The following CGAS variants were observed in gnomAD, a reference collection of about 807,000 sequenced individuals.
The protein encoded by CGAS is 2'3'-cGAMP synthase.
Under a neutral mutation model 34.0 loss-of-function variants are expected in CGAS, and 31 were observed. The ratio of observed to expected loss-of-function variants is 0.91; its 90% CI spans 0.69 to 1.23. The LOEUF (loss-of-function observed/expected upper bound fraction) is 1.23. Among genes scored for constraint, CGAS ranks in the 50% most tolerant of loss-of-function variants. The pLI is 0.00. For missense variants in CGAS, 597 were observed against 657.6 expected, an observed-to-expected ratio of 0.91 and a Z score of 1.01; for synonymous variants, 266 against 260.0, an observed-to-expected ratio of 1.02 and a Z score of -0.22.
intron 3 of CGAS, 65 bp from the exon 4 acceptor site, chr6:73,428,876 A>C: frequency 7.2e-7 from 1 of 1,397,444 alleles, no homozygotes; most frequent in Non-Finnish European, 9.9e-7. Flanking sequence ...AACAATATTC[A>C]AGTGGTTTCC....
At position 73,425,166 on chromosome 6, in the gene CGAS, T is replaced by C. The variant is rs758320756; in HGVS notation, c.*61A>G. 2.4e-4 allele frequency: 310 copies of C among 1,294,896 alleles called. 2 individuals carry two copies. Among genetic ancestry groups the C allele is most frequent in the South Asian group, 1.1e-3 (76 of 71,482 alleles). The allele number at this position is 1,294,896 out of a possible 1,614,324, so 80.2% of individuals were successfully genotyped here. A position where few individuals can be genotyped will look rare whatever the true frequency, so the allele number is the denominator to read the frequency against. ...CAGCGTCTGGCCCCTTTTCAAATTT[T>C]TCTTGTATTCTCCAGGATTTAGGGT... On this transcript the variant is annotated 3_prime_UTR_variant, in exon 5 of 5. Coordinates refer to ENST00000370315, the MANE Select transcript of CGAS (RefSeq NM_138441.3).
chr6:73,436,570 T>G (rs1192847696), intron 3 of CGAS, among the ~76,000 whole-genome samples: 13 of 151,964 alleles, frequency 8.6e-5, no homozygotes, highest in Admixed American at 8.5e-4. Context: ...TTACCCAGGC[T>G]AGAGTGCAGT....
intron 1 of CGAS, among the ~76,000 whole-genome samples, chr6:73,449,792 C>T (rs950509736): frequency 6.7e-6 from 1 of 150,246 alleles, no homozygotes. Context: ...GGTCAGAGTT[C>T]GAGACCAGCC....
In CGAS at chr6:73,425,426, C is replaced by G. The variant is rs968744350; in HGVS notation, c.1370G>C (p.Arg457Pro). ...ATCAAAGCAGAGGCCCAGGTCTTTG[C>G]GGTCCCACTGACTGTCTTGAGGGTT... ...TQNPQDSQWD[R>P]KDLGLCFDNC... Residue 457 changes from arginine (R) to proline (P), a missense_variant, in exon 5 of 5, where the codon CGC becomes CCC. By Grantham distance (103) the Arg-to-Pro change is moderately radical. Coordinates refer to ENST00000370315, the MANE Select transcript of CGAS (RefSeq NM_138441.3). 6.2e-7 allele frequency: 1 copy of G among 1,613,986 alleles called. No homozygotes were observed. Among genetic ancestry groups the G allele is most frequent in the East Asian group, 2.2e-5 (1 of 44,880 alleles).
chr6:73,438,447 C>T (rs1375426223), intron 3 of CGAS, among the ~76,000 whole-genome samples: 1 of 152,156 alleles, frequency 6.6e-6, no homozygotes, highest in Non-Finnish European at 1.5e-5. Context: ...CCTGTAATCC[C>T]AGCACTTTGG....
chr6:73,451,591 C>T lies in CGAS; in HGVS notation c.591G>A (p.Leu197=), dbSNP rs147610499. ...KGVVDHLLLR[L]KCDSAFRGVG... ...CGCCTCTGAACGCGGAGTCGCACTTCAGTCTGAGCAGCAGGTGGTCCACAA... is the reference window on the plus strand; with the variant it reads ...CGCCTCTGAACGCGGAGTCGCACTTTAGTCTGAGCAGCAGGTGGTCCACAA... The change falls in exon 1 of 5, where the codon CTG becomes CTA. Residue 197 remains leucine (L), a synonymous_variant. Coordinates refer to ENST00000370315, the MANE Select transcript of CGAS (RefSeq NM_138441.3). The T allele has an allele frequency of 1.4e-4, 224 of 1,613,620 alleles. 1 individual carries two copies. In the African/African-American group the frequency reaches 2.7e-3, roughly 19 times the overall value.
At chr6:73,426,346 AATGAT>A (rs1226536689) in intron 4 of CGAS, among the ~76,000 whole-genome samples, 2 of 109,714 alleles carry the variant, frequency 1.8e-5, no homozygotes, top group East Asian at 2.6e-4. Flanking sequence ...AATGAAATGA[AATGAT>A]AAAATAAAAT....
At chr6:73,428,403 C>T (rs551342003) in intron 4 of CGAS, among the ~76,000 whole-genome samples, 4 of 152,158 alleles carry the variant, frequency 2.6e-5, no homozygotes, top group East Asian at 1.9e-4. Context: ...TAAGACCCAT[C>T]GAATTGTCAT....
chr6:73,450,721 G>C (rs1770550228), intron 1 of CGAS, among the ~76,000 whole-genome samples: 1 of 152,130 alleles, frequency 6.6e-6, no homozygotes, highest in South Asian at 2.1e-4. Flanking sequence ...GGGCGCGGTA[G>C]CTCACGCCTG....
In CGAS at chr6:73,452,027, C is replaced by A. The variant is rs1770580949; in HGVS notation, c.155G>T (p.Gly52Val). Reference sequence around the variant, plus strand: ...CCGGGATCCCGACTTCCTGGCGGGGCCGAACTTTCCCGCCTTAGGCAGGGC... The same window carrying A: ...CCGGGATCCCGACTTCCTGGCGGGGACGAACTTTCCCGCCTTAGGCAGGGC... ...EAALPKAGKFGPARKSGSRQK... is the reference protein window; with the variant it reads ...EAALPKAGKFVPARKSGSRQK... The change falls in exon 1 of 5, where the codon GGC becomes GTC. Residue 52 changes from glycine (G) to valine (V), a missense_variant. By Grantham distance (109) the Gly-to-Val change is moderately radical. Around this residue, in one of 3 missense-constraint regions of CGAS, gnomAD observed 321 missense variants for 314.3 expected, o/e 1.02. Transcript: ENST00000370315. 2.0e-6 allele frequency: 3 copies of A among 1,490,696 alleles called. No homozygotes were observed. The highest frequency in any genetic ancestry group is 2.7e-6 in the Non-Finnish European group (3 of 1,118,504). 92.3% of individuals were successfully genotyped at this position (1,490,696 alleles called of 1,614,324 possible). A position where few individuals can be genotyped will look rare whatever the true frequency, so the allele number is the denominator to read the frequency against.
chr6:73,443,235 C>CTTTTT (rs35135687), intron 2 of CGAS, among the ~76,000 whole-genome samples: 18 of 104,216 alleles, frequency 1.7e-4, no homozygotes, highest in South Asian at 3.2e-4. Context: ...TTCCCAAACT[C>CTTTTT]TTTTTTTTTT....
Position 73,440,234 on chromosome 6 carries a change from A to G in CGAS, c.1089T>C (p.His363=), listed in dbSNP as rs755544689. 6.2e-7 allele frequency: 1 copy of G among 1,612,560 alleles called. No homozygotes were observed. Among genetic ancestry groups the G allele is most frequent in the Non-Finnish European group, 8.5e-7 (1 of 1,179,356 alleles). Residue 363 remains histidine, a synonymous_variant, in exon 3 of 5, where the codon CAT becomes CAC. Coordinates refer to ENST00000370315, the MANE Select transcript of CGAS (RefSeq NM_138441.3). ...CTTGGAAACCATTTCCTTCCTTTGCATGCTTGGGTACAAGGTAAAATGGCT... is the reference window on the plus strand; with the variant it reads ...CTTGGAAACCATTTCCTTCCTTTGCGTGCTTGGGTACAAGGTAAAATGGCT... The part of the protein sequence containing the change: ...RLKPFYLVPK[H]AKEGNGFQEE...
At chr6:73,425,889 G>A (rs948608506) in intron 4 of CGAS, among the ~76,000 whole-genome samples, 2 of 152,084 alleles carry the variant, frequency 1.3e-5, no homozygotes, top group Admixed American at 1.3e-4. Context: ...CACGAGAATC[G>A]CTTGAAGCCA....
At position 73,451,968 on chromosome 6, in the gene CGAS, G is replaced by C. The variant is rs1770579237; in HGVS notation, c.214C>G (p.Pro72Ala). 4 of 1,484,502 alleles carry C rather than the reference G, an allele frequency of 2.7e-6. No individual in the cohort carries two copies. Among genetic ancestry groups the C allele is most frequent in the Non-Finnish European group, 2.7e-6 (3 of 1,115,840 alleles). The allele number at this position is 1,484,502 out of a possible 1,614,324, so 92.0% of individuals were successfully genotyped here. A position where few individuals can be genotyped will look rare whatever the true frequency, so the allele number is the denominator to read the frequency against. The change falls in exon 1 of 5, where the codon CCG (proline) becomes GCG (alanine). Residue 72 changes from proline to alanine, a missense_variant. Physicochemically the swap from Pro to Ala is conservative, Grantham distance 27. Coordinates refer to ENST00000370315, the MANE Select transcript of CGAS (RefSeq NM_138441.3). The part of the protein sequence containing the change: ...KKSAPDTQER[P>A]PVRATGARAK... ...CGGGCCCCAGTTGCGCGGACGGGCG[G>C]CCTCTCCTGGGTGTCCGGGGCGCTC...
chr6:73,440,156 A>G (rs1770350686), intron 3 of CGAS, 53 bp downstream of exon 3: 2 of 1,498,028 alleles, frequency 1.3e-6, no homozygotes, highest in African/African-American at 2.8e-5. Flanking sequence ...GCCTGAACAT[A>G]TAACATTAAC....
At chr6:73,436,187 A>C (rs1242352002) in intron 3 of CGAS, among the ~76,000 whole-genome samples, 1 of 151,868 alleles carries the variant, frequency 6.6e-6, no homozygotes, top group Non-Finnish European at 1.5e-5. Context: ...TGAGGAAACT[A>C]GGACTATAAG....
In CGAS at chr6:73,452,022, C is replaced by T. The variant is rs769976348; in HGVS notation, c.160G>A (p.Ala54Thr). 5.4e-6 allele frequency: 8 copies of T among 1,484,446 alleles called. No homozygotes were observed. The highest frequency in any genetic ancestry group is 7.2e-6 in the Non-Finnish European group (8 of 1,115,500). The allele number at this position is 1,484,446 out of a possible 1,614,324, so 92.0% of individuals were successfully genotyped here. The change falls in exon 1 of 5, where the codon GCC becomes ACC. Residue 54 changes from alanine to threonine, a missense_variant. Physicochemically the swap from Ala to Thr is moderately conservative, Grantham distance 58. Transcript: ENST00000370315. ...ALPKAGKFGP[A>T]RKSGSRQKKS... The stretch of plus-strand genomic sequence containing the variant: ...TTCTGCCGGGATCCCGACTTCCTGG[C>T]GGGGCCGAACTTTCCCGCCTTAGGC...
At chr6:73,449,762 G>A (rs973071875) in intron 1 of CGAS, among the ~76,000 whole-genome samples, 5 of 151,944 alleles carry the variant, frequency 3.3e-5, no homozygotes, top group African/African-American at 1.2e-4. Flanking sequence ...TAGGGAGGCC[G>A]AGGCAGGTGG....
In CGAS at chr6:73,451,843, C is replaced by G; in HGVS notation, c.339G>C (p.Pro113=). The G allele has an allele frequency of 1.3e-6, 2 of 1,550,830 alleles. No homozygotes were observed. The highest frequency in any genetic ancestry group is 1.7e-6 in the Non-Finnish European group (2 of 1,147,730). Residue 113 remains proline, a synonymous_variant, in exon 1 of 5, where the codon CCG becomes CCC. Coordinates refer to ENST00000370315, the MANE Select transcript of CGAS (RefSeq NM_138441.3). ...GGCAAGAACCAGCCCTGGAAAGAGCCGGCTCCCGAGCCGCAGGAGGCTCCA... is the reference window on the plus strand; with the variant it reads ...GGCAAGAACCAGCCCTGGAAAGAGCGGGCTCCCGAGCCGCAGGAGGCTCCA... ...EGLEPPAARE[P]ALSRAGSCRQ... is the part of the protein sequence containing the mutation.
Sources: allele counts gnomAD v4.1 joint callset (sites outside exome capture counted in the v4.1 genomes callset), GRCh38; gene constraint gnomAD v4.1.1; regional missense constraint gnomAD v4.1.1; transcripts MANE v1.5; gene names NCBI Gene and HGNC (gene_info 2026-07-23, HGNC 2026-07-21).